The following DDR2 variants were observed in gnomAD, a reference collection of about 807,000 sequenced individuals.
The protein encoded by DDR2 is discoidin domain receptor tyrosine kinase 2, also known as discoidin domain-containing receptor 2.
DDR2 carries 27 observed loss-of-function variants against 94.9 expected under a neutral mutation model. The observed-to-expected ratio is 0.28, with a 90% CI of 0.21 to 0.39. The LOEUF (loss-of-function observed/expected upper bound fraction) is 0.39. Among genes scored for constraint, DDR2 ranks in the 10% least tolerant of loss-of-function variants. The pLI, the probability that DDR2 is intolerant of heterozygous loss-of-function variation, is 1.00. For missense variants in DDR2, 783 were observed against 1,076.0 expected (o/e 0.73, Z 3.81); for synonymous variants, 382 against 377.2 (o/e 1.01, Z -0.15).
intron 2 of DDR2, among the ~76,000 whole-genome samples, chr1:162,667,767 C>A (rs970893691): frequency 1.3e-5 from 2 of 152,210 alleles, no homozygotes; most frequent in African/African-American, 2.4e-5. Flanking sequence ...ACAACCCCAA[C>A]AATGACACTA....
At chr1:162,761,113 G>A (rs902517084) in intron 8 of DDR2, 98 bp from the exon 9 acceptor site, 33 of 1,559,400 alleles carry the variant, frequency 2.1e-5, no homozygotes, top group South Asian at 1.0e-4. Context: ...AGAATAGCTC[G>A]AATCAGGGTA....
At chr1:162,744,390 G>A (rs933943982) in intron 3 of DDR2, among the ~76,000 whole-genome samples, 5 of 152,016 alleles carry the variant, frequency 3.3e-5, no homozygotes, top group Non-Finnish European at 7.4e-5. Context: ...TAACGTATGT[G>A]GAATCAGGCA....
intron 3 of DDR2, among the ~76,000 whole-genome samples, chr1:162,743,584 A>G (rs1482801758): frequency 6.6e-6 from 1 of 152,160 alleles, no homozygotes; most frequent in African/African-American, 2.4e-5. Flanking sequence ...TTCCCTGTAA[A>G]CATAAATGTC....
rs1661892831 is a variant in DDR2, at chr1:162,729,298, ATATTTTTTTTTT to A, written c.82+10155_82+10166del. ...TATCCATTTATATATATATATATAT[ATATTTTTTTTTT>A]TTTTTTTTTTCCTTGGGAGAATAGT... On this transcript the variant is annotated intron_variant, in intron 3 of 17. Transcript: ENST00000367921. 1.5e-4 allele frequency among the ~76,000 whole-genome samples: 5 copies of A among 34,464 alleles called. No homozygotes were observed. The South Asian group carries it at 5.4e-3, about 37-fold the overall frequency. 22.6% of individuals were successfully genotyped at this position (34,464 alleles called of 152,430 possible). A position where few individuals can be genotyped will look rare whatever the true frequency, so the allele number is the denominator to read the frequency against.
intron 1 of DDR2, among the ~76,000 whole-genome samples, chr1:162,638,366 C>T (rs1288840334): frequency 6.6e-6 from 1 of 152,166 alleles, no homozygotes; most frequent in African/African-American, 2.4e-5. Flanking sequence ...TTGCCATGGT[C>T]TTCATTATTA....
chr1:162,732,263 C>T lies in DDR2; in HGVS notation c.82+13118C>T, dbSNP rs151138058. On this transcript the variant is annotated intron_variant, in intron 3 of 17. Coordinates refer to ENST00000367921, the MANE Select transcript of DDR2 (RefSeq NM_006182.4). ...AAGAAACCCAAATAATCTTTCTTGGCCCCCCTGTGGAATCCCATTGTGTCA... is the reference window on the plus strand; with the variant it reads ...AAGAAACCCAAATAATCTTTCTTGGTCCCCCTGTGGAATCCCATTGTGTCA... 5.3e-5 allele frequency among the ~76,000 whole-genome samples: 8 copies of T among 152,266 alleles called. No homozygotes were observed. The East Asian group carries it at 1.2e-3, about 22-fold the overall frequency.
At chr1:162,757,207 T>G (rs927550219) in intron 7 of DDR2, among the ~76,000 whole-genome samples, 1 of 152,212 alleles carries the variant, frequency 6.6e-6, no homozygotes, top group Non-Finnish European at 1.5e-5. Flanking sequence ...GATTAAAATG[T>G]GTGTGAAAAG....
chr1:162,703,734 A>G (rs1247857011), intron 2 of DDR2, among the ~76,000 whole-genome samples: 1 of 152,192 alleles, frequency 6.6e-6, no homozygotes, highest in Non-Finnish European at 1.5e-5. Context: ...GAGGTGCTGA[A>G]GTCACATAAG....
intron 2 of DDR2, among the ~76,000 whole-genome samples, chr1:162,713,924 C>T (rs1205434979): frequency 6.6e-6 from 1 of 152,088 alleles, no homozygotes; most frequent in African/African-American, 2.4e-5. Context: ...ATATATCCAG[C>T]AGCAGAGTAT....
rs899910687 is a variant in DDR2 at position 162,632,570 on chromosome 1, G to A, written c.-253G>A. On this transcript the variant is annotated 5_prime_UTR_variant, in exon 1 of 18. Transcript: ENST00000367921. ...CAACAAATTCTTCTTTTTGGGTTGG[G>A]GAAACGCAGTGGATTATAGCTCTGT... 3.9e-5 allele frequency: 6 copies of A among 152,172 alleles called. No individual in the cohort carries two copies. Among genetic ancestry groups the A allele is most frequent in the Admixed American group, 2.6e-4 (4 of 15,270 alleles). 9.4% of individuals were successfully genotyped at this position (152,172 alleles called of 1,614,324 possible).
intron 12 of DDR2, among the ~76,000 whole-genome samples, chr1:162,770,950 A>G (rs1704761): frequency 0.96 from 145,433 of 152,268 alleles, 69,812 homozygotes; most frequent in East Asian, 1. Context: ...AAGACATTCC[A>G]AAATTCCCAG....
intron 9 of DDR2, among the ~76,000 whole-genome samples, chr1:162,764,466 G>T (rs771608952): frequency 6.6e-6 from 1 of 151,396 alleles, no homozygotes; most frequent in Non-Finnish European, 1.5e-5. Flanking sequence ...AGGCACTAGC[G>T]TGGGTTTGTC....
intron 3 of DDR2, among the ~76,000 whole-genome samples, chr1:162,722,525 A>G (rs1342524599): frequency 6.6e-6 from 1 of 152,252 alleles, no homozygotes; most frequent in Admixed American, 6.5e-5. Flanking sequence ...CAGAAATACC[A>G]TTTAGCTAGT....
intron 1 of DDR2, among the ~76,000 whole-genome samples, chr1:162,654,858 T>A (rs1372935546): frequency 2.6e-5 from 4 of 152,198 alleles, no homozygotes; most frequent in Non-Finnish European, 5.9e-5. Flanking sequence ...TAAGAGATTT[T>A]AAAAAATGTA....
In DDR2 at chr1:162,770,453, A is replaced by G; in HGVS notation, c.1445A>G (p.Gln482Arg). 4 of 1,614,142 alleles carry G rather than the reference A, an allele frequency of 2.5e-6. No individual in the cohort carries two copies. Among genetic ancestry groups the G allele is most frequent in the Non-Finnish European group, 3.4e-6 (4 of 1,180,036 alleles). ...DRIFPLRPDY[Q>R]EPSRLIRKLP... ...ATCTTTCCCCTTCGCCCTGACTACC[A>G]GGAGCCATCCAGGCTGATACGAAAA... Residue 482 changes from glutamine to arginine, a missense_variant, in exon 12 of 18, where the codon CAG (glutamine) becomes CGG (arginine). Gln to Arg is a conservative substitution (Grantham distance 43, BLOSUM62 1). Transcript: ENST00000367921.
chr1:162,774,486 G>A (rs1647412855), intron 14 of DDR2, among the ~76,000 whole-genome samples: 1 of 152,236 alleles, frequency 6.6e-6, no homozygotes, highest in Non-Finnish European at 1.5e-5. Flanking sequence ...ATAAAGAAGA[G>A]AGAAAGGTGA....
At chr1:162,765,018 GTTGA>G (rs1159679597) in intron 9 of DDR2, among the ~76,000 whole-genome samples, 1 of 152,130 alleles carries the variant, frequency 6.6e-6, no homozygotes, top group East Asian at 1.9e-4. Context: ...CTAAGAGTAA[GTTGA>G]TTGATTGTTT....
At chr1:162,650,703 G>A (rs1657645413) in intron 1 of DDR2, among the ~76,000 whole-genome samples, 1 of 151,956 alleles carries the variant, frequency 6.6e-6, no homozygotes, top group African/African-American at 2.4e-5. Context: ...CTAGTCATTG[G>A]TCAATTCTCA....
At chr1:162,758,490 T>C (rs1189528516) in intron 7 of DDR2, among the ~76,000 whole-genome samples, 1 of 152,188 alleles carries the variant, frequency 6.6e-6, no homozygotes, top group African/African-American at 2.4e-5. Flanking sequence ...TTTCTGTTGC[T>C]TTTCATAAAA....
Sources: gnomAD v4.1 joint callset for allele counts (sites outside exome capture counted in the v4.1 genomes callset) on GRCh38, gnomAD v4.1.1 for gene constraint, MANE v1.5 for transcripts, NCBI Gene and HGNC (gene_info 2026-07-23, HGNC 2026-07-21) for gene names.